PCDH15: variants seen among roughly 807,000 people sequenced by gnomAD.
PCDH15 encodes protocadherin-15.
PCDH15 carries 129 observed loss-of-function variants against 178.5 expected under a neutral mutation model. That is an observed-to-expected ratio of 0.72 (90% CI 0.63 to 0.84). The LOEUF (loss-of-function observed/expected upper bound fraction) is 0.84, where lower values mean the gene tolerates loss of function less well. Ranked by LOEUF, PCDH15 falls within the 40% of genes least tolerant of loss-of-function variation. The pLI, the probability that PCDH15 is intolerant of heterozygous loss-of-function variation, is 0.00. For missense variants in PCDH15, 2,230 were observed against 2,099.9 expected, an observed-to-expected ratio of 1.06 and a Z score of -1.21; for synonymous variants, 800 against 732.0, an observed-to-expected ratio of 1.09 and a Z score of -1.50.
At chr10:54,187,070 A>G (rs1468329182) in intron 11 of PCDH15, among the ~76,000 whole-genome samples, 2 of 151,954 alleles carry the variant, frequency 1.3e-5, no homozygotes, top group Non-Finnish European at 2.9e-5. Flanking sequence ...TTAAGCACAT[A>G]TACACTTCTC....
chr10:54,749,371 A>G (rs1337182346), intron 1 of PCDH15, among the ~76,000 whole-genome samples: 1 of 152,150 alleles, frequency 6.6e-6, no homozygotes, highest in African/African-American at 2.4e-5. Context: ...GAATGATGAT[A>G]AAAGTTTACC....
chr10:54,641,483 T>C (rs745402907), intron 2 of PCDH15, among the ~76,000 whole-genome samples: 2 of 152,116 alleles, frequency 1.3e-5, no homozygotes, highest in Non-Finnish European at 2.9e-5. Context: ...TATTAGTGAA[T>C]GGCCCTATTC....
In PCDH15 at chr10:54,766,421, C is replaced by T. The variant is rs143600009; in HGVS notation, c.-29+34504G>A. ...ATGCTTCTGCTTTAAATTATATCAA[C>T]GCTTAATTACCATTTAAAGCTTATT... On this transcript the variant is annotated intron_variant, in intron 1 of 37. Coordinates refer to ENST00000644397, the MANE Select transcript of PCDH15 (RefSeq NM_001384140.1). Among the ~76,000 whole-genome samples the T allele has an allele frequency of 2.3e-3, 352 of 151,956 alleles. 3 individuals are homozygous for T. Among genetic ancestry groups the T allele is most frequent in the Non-Finnish European group, 3.5e-3 (238 of 67,974 alleles).
chr10:54,262,560 A>G (rs2057389736), intron 8 of PCDH15, among the ~76,000 whole-genome samples: 2 of 152,132 alleles, frequency 1.3e-5, no homozygotes, highest in African/African-American at 4.8e-5. Flanking sequence ...CAGTGAGCCC[A>G]GGCCCGTGAG....
chr10:54,341,792 A>T (rs1049109312), intron 6 of PCDH15, among the ~76,000 whole-genome samples: 1 of 152,174 alleles, frequency 6.6e-6, no homozygotes, highest in Non-Finnish European at 1.5e-5. Flanking sequence ...TGAGGAACTT[A>T]TTGGGAACTG....
chr10:55,282,832 T>C (rs1198713068), intron 1 of PCDH15, among the ~76,000 whole-genome samples: 1 of 152,188 alleles, frequency 6.6e-6, no homozygotes, highest in Non-Finnish European at 1.5e-5. Context: ...AAATTATAAC[T>C]GAGAAAGTTA....
intron 2 of PCDH15, among the ~76,000 whole-genome samples, chr10:55,142,597 TAC>T (rs1386635132): frequency 4.0e-5 from 6 of 149,982 alleles, no homozygotes; most frequent in Non-Finnish European, 1.5e-5. Flanking sequence ...TTGCATATAC[TAC>T]AGTTATTTTT....
At chr10:54,613,988 C>T (rs939706959) in intron 2 of PCDH15, among the ~76,000 whole-genome samples, 1 of 151,776 alleles carries the variant, frequency 6.6e-6, no homozygotes, top group Non-Finnish European at 1.5e-5. Context: ...TTATTATTTT[C>T]TTAATAAAGA....
chr10:55,614,705 C>T (rs1034366648), intron 2 of PCDH15, among the ~76,000 whole-genome samples: 1 of 152,060 alleles, frequency 6.6e-6, no homozygotes. Flanking sequence ...GGTTTGGTCA[C>T]TATTTGGGTA....
At chr10:55,508,573 A>G (rs1419014066) in intron 2 of PCDH15, among the ~76,000 whole-genome samples, 1 of 151,796 alleles carries the variant, frequency 6.6e-6, no homozygotes, top group Admixed American at 6.6e-5. Context: ...AACCATACAC[A>G]TAACTTTGAG....
At position 53,984,148 on chromosome 10, in the gene PCDH15, C is replaced by CTTT. The variant is rs66540462; in HGVS notation, c.2868+11498_2868+11500dup. Reference sequence around the variant, plus strand: ...TTTTTTTTTTTTTCTTTTTTCTTTTCTTTTTTTTTTTTTTTTTTTGAGGCA... The same window carrying CTTT: ...TTTTTTTTTTTTTCTTTTTTCTTTTCTTTTTTTTTTTTTTTTTTTTTTGAGGCA... On this transcript the variant is annotated intron_variant, in intron 21 of 37. Transcript: ENST00000644397. Among the ~76,000 whole-genome samples the CTTT allele has an allele frequency of 7.7e-3, 492 of 63,512 alleles. 30 individuals are homozygous for CTTT. Among genetic ancestry groups the CTTT allele is most frequent in the African/African-American group, 0.024 (439 of 18,190 alleles). 41.7% of individuals were successfully genotyped at this position (63,512 alleles called of 152,430 possible).
intron 2 of PCDH15, among the ~76,000 whole-genome samples, chr10:55,496,037 T>A (rs957451238): frequency 6.6e-6 from 1 of 151,864 alleles, no homozygotes; most frequent in African/African-American, 2.4e-5. Context: ...CAAAGGGATG[T>A]GAAGTGGCTG....
At chr10:54,085,380 G>A (rs1379995743) in intron 16 of PCDH15, among the ~76,000 whole-genome samples, 2 of 152,078 alleles carry the variant, frequency 1.3e-5, no homozygotes, top group Admixed American at 6.6e-5. Flanking sequence ...CAGACCCCAT[G>A]CTTCAGTGAT....
At chr10:55,223,257 C>T (rs896688936) in intron 1 of PCDH15, among the ~76,000 whole-genome samples, 2 of 152,028 alleles carry the variant, frequency 1.3e-5, no homozygotes, top group African/African-American at 4.8e-5. Context: ...AGGCTATTGC[C>T]AATAAGTTAA....
intron 1 of PCDH15, among the ~76,000 whole-genome samples, chr10:54,701,583 A>C (rs1336122945): frequency 6.6e-6 from 1 of 152,122 alleles, no homozygotes; most frequent in Non-Finnish European, 1.5e-5. Context: ...TGACACACAG[A>C]ATCTCAAATT....
chr10:54,870,654 C>T (rs1449557049), intron 3 of PCDH15, among the ~76,000 whole-genome samples: 2 of 151,838 alleles, frequency 1.3e-5, no homozygotes, highest in East Asian at 1.9e-4. Context: ...GGCGTGGTGG[C>T]GGGCGCCTGT....
intron 8 of PCDH15, among the ~76,000 whole-genome samples, chr10:54,250,920 T>C (rs2132089687): frequency 6.6e-6 from 1 of 152,334 alleles, no homozygotes; most frequent in African/African-American, 2.4e-5. Context: ...ATGTATACTT[T>C]TTGCATTACA....
At chr10:54,985,386 T>C (rs1268627394) in intron 2 of PCDH15, among the ~76,000 whole-genome samples, 2 of 152,168 alleles carry the variant, frequency 1.3e-5, no homozygotes, top group Non-Finnish European at 2.9e-5. Flanking sequence ...ATTTAATATG[T>C]AGTATAGATG....
At chr10:55,451,947 G>A (rs1190524534) in intron 2 of PCDH15, among the ~76,000 whole-genome samples, 1 of 152,060 alleles carries the variant, frequency 6.6e-6, no homozygotes, top group Non-Finnish European at 1.5e-5. Flanking sequence ...ACATATTCCA[G>A]GATATCGAAA....
Sources: gnomAD v4.1 joint callset for allele counts (sites outside exome capture counted in the v4.1 genomes callset) on GRCh38, gnomAD v4.1.1 for gene constraint, MANE v1.5 for transcripts, NCBI Gene and HGNC (gene_info 2026-07-23, HGNC 2026-07-21) for gene names.